ADGRL2: variants seen among roughly 807,000 people sequenced by gnomAD.
The protein encoded by ADGRL2 is adhesion G protein-coupled receptor L2.
A neutral mutation model predicts 157.4 loss-of-function variants in ADGRL2; 44 were observed. The observed-to-expected ratio is 0.28, with a 90% confidence interval of 0.22 to 0.36. ADGRL2 has a LOEUF of 0.36. Ranked by LOEUF, ADGRL2 falls within the 10% of genes least tolerant of loss-of-function variation. The probability of loss-of-function intolerance (pLI) is 1.00; values close to 1 mark genes in which losing one functional copy is unlikely to be tolerated. For synonymous variants in ADGRL2, 585 were observed against 624.7 expected (o/e 0.94, Z 0.95); for missense variants, 1,510 against 1,768.9 (o/e 0.85, Z 2.63).
chr1:81,482,409 T>G (rs1417231350), intron 2 of ADGRL2, among the ~76,000 whole-genome samples: 6 of 152,200 alleles, frequency 3.9e-5, no homozygotes, highest in African/African-American at 7.2e-5. Flanking sequence ...TAAAAAAAAT[T>G]ATCTTTGCTC....
chr1:81,793,658 T>A (rs2087455214), intron 2 of ADGRL2, among the ~76,000 whole-genome samples: 1 of 152,090 alleles, frequency 6.6e-6, no homozygotes, highest in Non-Finnish European at 1.5e-5. Context: ...CAATCTAGTA[T>A]CTATTTTTGA....
chr1:81,658,379 G>A (rs766966185), intron 3 of ADGRL2, among the ~76,000 whole-genome samples: 1 of 152,202 alleles, frequency 6.6e-6, no homozygotes, highest in Non-Finnish European at 1.5e-5. Flanking sequence ...ACAGGTGTGA[G>A]CCACTGCACA....
At chr1:81,876,792 A>C (rs1244883958) in intron 2 of ADGRL2, among the ~76,000 whole-genome samples, 1 of 152,204 alleles carries the variant, frequency 6.6e-6, no homozygotes, top group Admixed American at 6.5e-5. Context: ...AAAATTATTA[A>C]GATTTCTTGA....
At chr1:81,388,964 C>A (rs1313179546) in intron 1 of ADGRL2, among the ~76,000 whole-genome samples, 1 of 151,914 alleles carries the variant, frequency 6.6e-6, no homozygotes, top group Non-Finnish European at 1.5e-5. Context: ...GTTTGAAGAC[C>A]CCCAAAGAGT....
In ADGRL2 at chr1:81,500,803, T is replaced by C. The variant is rs527758610; in HGVS notation, c.-248+55714T>C. On this transcript the variant is annotated intron_variant, in intron 2 of 24. Transcript: ENST00000370721. ...TACTTATTGTCACTGAACTGTGTACTTAAAAGTGCTTAAAATGGTAAATTT... is the reference window on the plus strand; with the variant it reads ...TACTTATTGTCACTGAACTGTGTACCTAAAAGTGCTTAAAATGGTAAATTT... Among the ~76,000 whole-genome samples the C allele has an allele frequency of 3.3e-5, 5 of 152,292 alleles. No individual in the cohort carries two copies. In the East Asian group the frequency reaches 9.7e-4, roughly 29 times the overall value.
intron 1 of ADGRL2, among the ~76,000 whole-genome samples, chr1:81,814,870 G>A (rs1251248747): frequency 6.6e-6 from 1 of 151,506 alleles, no homozygotes; most frequent in East Asian, 1.9e-4. Flanking sequence ...TATCAAGTTT[G>A]TTATTTTAAA....
At chr1:81,405,716 A>T (rs1054296004) in intron 1 of ADGRL2, among the ~76,000 whole-genome samples, 1 of 151,852 alleles carries the variant, frequency 6.6e-6, no homozygotes, top group Non-Finnish European at 1.5e-5. Flanking sequence ...AATAATAGGG[A>T]TTATTTTCAT....
intron 1 of ADGRL2, among the ~76,000 whole-genome samples, chr1:81,390,805 T>G (rs1360258735): frequency 6.6e-6 from 1 of 152,300 alleles, no homozygotes; most frequent in African/African-American, 2.4e-5. Flanking sequence ...GCAACAAAAT[T>G]TATTTAACCA....
chr1:81,956,236 C>T (rs993717997), intron 11 of ADGRL2, among the ~76,000 whole-genome samples, 176 bp downstream of exon 11: 2 of 152,200 alleles, frequency 1.3e-5, no homozygotes, highest in African/African-American at 2.4e-5. Context: ...ATGCAAAAGC[C>T]AAACTCTATC....
At chr1:81,462,642 T>G (rs1346445171) in intron 2 of ADGRL2, among the ~76,000 whole-genome samples, 1 of 152,216 alleles carries the variant, frequency 6.6e-6, no homozygotes, top group Non-Finnish European at 1.5e-5. Context: ...TTGGCCCTTG[T>G]TCTCATTAAC....
intron 2 of ADGRL2, among the ~76,000 whole-genome samples, chr1:81,501,632 C>T (rs1194434872): frequency 6.6e-6 from 1 of 152,248 alleles, no homozygotes; most frequent in Non-Finnish European, 1.5e-5. Context: ...ACGCAGCTGC[C>T]GCGCCTGGGC....
At chr1:81,422,431 G>T (rs2077142340) in intron 1 of ADGRL2, among the ~76,000 whole-genome samples, 2 of 152,278 alleles carry the variant, frequency 1.3e-5, no homozygotes, top group Middle Eastern at 3.4e-3. Flanking sequence ...TTTCAGTGGA[G>T]ACGGGGTTTC....
In ADGRL2 at chr1:81,747,005, T is replaced by C. The variant is rs1033026625; in HGVS notation, c.-142-14806T>C. On this transcript the variant is annotated intron_variant, in intron 1 of 20. Transcript: ENST00000359929. ...GTGTGTATATACGTATATACGTGTA[T>C]ACACACGTATGTATACACGTGTATA... 2.0e-5 allele frequency among the ~76,000 whole-genome samples: 3 copies of C among 147,752 alleles called. No individual in the cohort carries two copies. In the South Asian group the frequency reaches 6.3e-4, roughly 31 times the overall value.
At chr1:81,549,907 A>G (rs757391050) in intron 2 of ADGRL2, among the ~76,000 whole-genome samples, 1 of 150,002 alleles carries the variant, frequency 6.7e-6, no homozygotes, top group African/African-American at 2.5e-5. Context: ...AATCACAGTA[A>G]TCAGTGATTA....
At chr1:81,713,652 T>C (rs990605983) in intron 1 of ADGRL2, among the ~76,000 whole-genome samples, 2 of 152,228 alleles carry the variant, frequency 1.3e-5, no homozygotes, top group Non-Finnish European at 2.9e-5. Flanking sequence ...CATAATACTA[T>C]GCATTTGTGT....
chr1:81,871,821 C>G (rs1020440403), intron 2 of ADGRL2, among the ~76,000 whole-genome samples: 10 of 152,050 alleles, frequency 6.6e-5, no homozygotes, highest in Non-Finnish European at 1.5e-4. Context: ...TTTGTAGATT[C>G]TGGATATTAG....
intron 1 of ADGRL2, among the ~76,000 whole-genome samples, chr1:81,813,845 G>A (rs989936246): frequency 2.0e-5 from 3 of 151,548 alleles, no homozygotes; most frequent in African/African-American, 7.3e-5. Flanking sequence ...AGTGAGGTAA[G>A]GGTTACTGGA....
chr1:81,354,551 C>T (rs1286022240), intron 1 of ADGRL2, among the ~76,000 whole-genome samples: 4 of 152,134 alleles, frequency 2.6e-5, no homozygotes, highest in African/African-American at 9.7e-5. Flanking sequence ...CCCAAAATGC[C>T]TTCCCACTAA....
intron 3 of ADGRL2, among the ~76,000 whole-genome samples, chr1:81,909,242 A>G (rs1199849426): frequency 2.0e-5 from 3 of 151,654 alleles, no homozygotes; most frequent in Non-Finnish European, 2.9e-5. Context: ...TTTTTTTAGT[A>G]TTTAGTTTTA....
Sources: gnomAD v4.1 joint callset for allele counts (sites outside exome capture counted in the v4.1 genomes callset) on GRCh38, gnomAD v4.1.1 for gene constraint, MANE v1.5 for transcripts, NCBI Gene and HGNC (gene_info 2026-07-23, HGNC 2026-07-21) for gene names.